DIS3L2: variants seen among roughly 807,000 people sequenced by gnomAD.
DIS3L2 encodes the protein DIS3-like exonuclease 2.
Under a neutral mutation model 97.5 loss-of-function variants are expected in DIS3L2, and 34 were observed. The ratio of observed to expected loss-of-function variants is 0.35; its 90% confidence interval spans 0.27 to 0.46. The LOEUF (loss-of-function observed/expected upper bound fraction) is 0.46, where lower values mean the gene tolerates loss of function less well. Ranked by LOEUF, DIS3L2 falls within the 20% of genes least tolerant of loss-of-function variation. The pLI is 1.00. For missense variants in DIS3L2, 1,038 were observed against 1,146.0 expected (o/e 0.91, Z 1.36); for synonymous variants, 435 against 445.2 (o/e 0.98, Z 0.29).
At chr2:232,076,788 C>G (rs773194690) in intron 5 of DIS3L2, among the ~76,000 whole-genome samples, 4 of 152,048 alleles carry the variant, frequency 2.6e-5, no homozygotes, top group Non-Finnish European at 1.5e-5. Context: ...ATATTTAAAA[C>G]ATATTTCCCA....
rs778172638 is a variant in DIS3L2 at position 232,087,720 on chromosome 2, A to G, written c.600A>G (p.Lys200=). The G allele has an allele frequency of 1.9e-6, 3 of 1,612,368 alleles. No individual in the cohort carries two copies. The highest frequency in any genetic ancestry group is 2.5e-6 in the Non-Finnish European group (3 of 1,178,620). ...VKKLSVCVSE[K]GREDGDAPVT... ...AACTCTCAGTTTGTGTTTCTGAGAA[A>G]GGTGAGTACTAGACTATTGTCTTAC... Residue 200 remains lysine, a splice_region_variant and synonymous_variant, in exon 6 of 21, where the codon AAA becomes AAG. Transcript: ENST00000325385.
At chr2:232,285,180 T>C (rs560747824) in intron 13 of DIS3L2, among the ~76,000 whole-genome samples, 3 of 152,342 alleles carry the variant, frequency 2.0e-5, no homozygotes, top group East Asian at 3.9e-4. Flanking sequence ...TTTTAACCTT[T>C]TACAGACCCT....
In DIS3L2 at chr2:232,335,763, T is replaced by C; in HGVS notation, c.2395-10T>C. The C allele has an allele frequency of 1.3e-6, 2 of 1,550,034 alleles. No homozygotes were observed. The highest frequency in any genetic ancestry group is 1.7e-6 in the Non-Finnish European group (2 of 1,146,734). ...GAGCTGAGGCCTGAGGCTTGGTGTT[T>C]GCACTCCAGGCACTGGCCCTGCGGT... On this transcript the variant is annotated splice_polypyrimidine_tract_variant and intron_variant, in intron 19 of 20. Transcript: ENST00000325385.
chr2:232,324,095 C>G (rs186961975), intron 14 of DIS3L2, among the ~76,000 whole-genome samples: 3 of 152,140 alleles, frequency 2.0e-5, no homozygotes, highest in Non-Finnish European at 2.9e-5. Context: ...GCAGGTTCTA[C>G]GTAAAGGTGG....
intron 10 of DIS3L2, among the ~76,000 whole-genome samples, chr2:232,226,421 C>T (rs1270518919): frequency 2.0e-5 from 3 of 152,178 alleles, no homozygotes; most frequent in Non-Finnish European, 4.4e-5. Context: ...ATGTCTTCAT[C>T]TGTAAAATGT....
intron 13 of DIS3L2, among the ~76,000 whole-genome samples, chr2:232,272,623 G>A (rs1694036604): frequency 6.6e-6 from 1 of 152,186 alleles, no homozygotes; most frequent in Admixed American, 6.5e-5. Flanking sequence ...ATCAGACTGA[G>A]ATTATTCCAT....
intron 14 of DIS3L2, among the ~76,000 whole-genome samples, chr2:232,313,548 G>A (rs1022188590): frequency 2.3e-4 from 35 of 152,118 alleles, no homozygotes; most frequent in African/African-American, 7.7e-4. Flanking sequence ...AATATTGAAC[G>A]TGAACCCACG....
Position 232,336,526 on chromosome 2 carries a change from A to G in DIS3L2, c.2554A>G (p.Lys852Glu), listed in dbSNP as rs1396429810. The G allele has an allele frequency of 6.2e-7, 1 of 1,610,800 alleles. No individual in the cohort carries two copies. The highest frequency in any genetic ancestry group is 2.2e-5 in the East Asian group (1 of 44,862). Residue 852 changes from lysine (K) to glutamate (E), a missense_variant, in exon 21 of 21, where the codon AAG becomes GAG. Transcript: ENST00000325385. The part of the protein sequence containing the change: ...VVLQAESTAL[K>E]YSAILKRPGT... ...CCTGCAGGCAGAGTCCACAGCCCTCAAGTACAGCGCCATCCTGAAGCGGCC... is the reference window on the plus strand; with the variant it reads ...CCTGCAGGCAGAGTCCACAGCCCTCGAGTACAGCGCCATCCTGAAGCGGCC...
chr2:232,276,738 C>T lies in DIS3L2; in HGVS notation c.1659+13298C>T, dbSNP rs1225854286. Among the ~76,000 whole-genome samples the T allele has an allele frequency of 6.6e-6, 1 of 152,240 alleles. No homozygotes were observed. The highest frequency in any genetic ancestry group is 6.5e-5 in the Admixed American group (1 of 15,288). ...CTGCCTGGGTTCTGATCCCGACTCC[C>T]TCACTTAGCTGTGTGACTCTAACTC... On this transcript the variant is annotated intron_variant, in intron 13 of 20. Transcript: ENST00000325385. The surrounding 1 kb of genome is among the most constrained non-coding windows in gnomAD (Gnocchi z 4.4).
chr2:231,966,168 C>T (rs1016462781), intron 1 of DIS3L2, among the ~76,000 whole-genome samples: 46 of 131,166 alleles, frequency 3.5e-4, no homozygotes, highest in African/African-American at 1.7e-3. Context: ...TCTTCTTCTT[C>T]TTCTTTTTTT....
rs1272265395 is a variant in DIS3L2 at position 232,177,250 on chromosome 2, A to C, written c.1124+13618A>C. 3.4e-4 allele frequency among the ~76,000 whole-genome samples: 49 copies of C among 143,700 alleles called. 1 individual carries two copies. Among genetic ancestry groups the C allele is most frequent in the Non-Finnish European group, 5.7e-4 (37 of 65,184 alleles). 94.3% of individuals were successfully genotyped at this position (143,700 alleles called of 152,430 possible). A position where few individuals can be genotyped will look rare whatever the true frequency, so the allele number is the denominator to read the frequency against. ...TTCCAAGTCTTTGCTATTGTGAATA[A>C]TGCCGCAATAAACATACGTGTGCAT... On this transcript the variant is annotated intron_variant, in intron 9 of 20. Coordinates refer to ENST00000325385, the MANE Select transcript of DIS3L2 (RefSeq NM_152383.5).
chr2:232,336,524 T>C lies in DIS3L2; in HGVS notation c.2552T>C (p.Leu851Pro). 1.2e-6 allele frequency: 2 copies of C among 1,610,958 alleles called. No individual in the cohort carries two copies. The highest frequency in any genetic ancestry group is 1.7e-6 in the Non-Finnish European group (2 of 1,179,920). Residue 851 changes from leucine to proline, a missense_variant, in exon 21 of 21, where the codon CTC (leucine) becomes CCC (proline). Around this residue, in one of 3 missense-constraint regions of DIS3L2, gnomAD observed 221 missense variants for 246.9 expected, o/e 0.90. Coordinates refer to ENST00000325385, the MANE Select transcript of DIS3L2 (RefSeq NM_152383.5). The part of the protein sequence containing the change: ...EVVLQAESTA[L>P]KYSAILKRPG... The stretch of plus-strand genomic sequence containing the variant: ...GTCCTGCAGGCAGAGTCCACAGCCC[T>C]CAAGTACAGCGCCATCCTGAAGCGG...
At chr2:232,195,928 A>G (rs1035788015) in intron 9 of DIS3L2, among the ~76,000 whole-genome samples, 1 of 152,180 alleles carries the variant, frequency 6.6e-6, no homozygotes, top group Admixed American at 6.5e-5. Flanking sequence ...TGTTTTGGGG[A>G]GAGGCTTTTA....
In DIS3L2 at chr2:232,271,214, C is replaced by T. The variant is rs572968992; in HGVS notation, c.1659+7774C>T. Among the ~76,000 whole-genome samples the T allele has an allele frequency of 5.9e-5, 9 of 152,290 alleles. No homozygotes were observed. In the East Asian group the frequency reaches 1.2e-3, roughly 20 times the overall value. On this transcript the variant is annotated intron_variant, in intron 13 of 20. Coordinates refer to ENST00000325385, the MANE Select transcript of DIS3L2 (RefSeq NM_152383.5). ...GCCCCAAGTTAAGGTCCTTTCCTCT[C>T]ATTAGAATCCTTAAAGAAACCCATT... is the stretch of plus-strand genomic sequence containing the variant.
At chr2:232,172,342 T>C (rs1288085785) in intron 9 of DIS3L2, among the ~76,000 whole-genome samples, 2 of 152,170 alleles carry the variant, frequency 1.3e-5, no homozygotes, top group Non-Finnish European at 2.9e-5. Flanking sequence ...CAGTTTTCAG[T>C]CTCTGTGGAT....
chr2:231,965,848 C>T (rs759515456), intron 1 of DIS3L2, among the ~76,000 whole-genome samples: 4 of 152,204 alleles, frequency 2.6e-5, no homozygotes, highest in African/African-American at 4.8e-5. Context: ...TCTGATGCCA[C>T]GTCCATGTTG....
chr2:232,103,233 TTTTA>T (rs1365796794), intron 6 of DIS3L2, among the ~76,000 whole-genome samples: 4 of 152,186 alleles, frequency 2.6e-5, no homozygotes, highest in Non-Finnish European at 2.9e-5. Context: ...ATTTTGTACC[TTTTA>T]TTTATTACCT....
chr2:232,125,921 A>G (rs916762779), intron 6 of DIS3L2, among the ~76,000 whole-genome samples: 1 of 152,210 alleles, frequency 6.6e-6, no homozygotes, highest in Non-Finnish European at 1.5e-5. Flanking sequence ...GTTGGTTTTG[A>G]GAGATCCAGA....
intron 13 of DIS3L2, among the ~76,000 whole-genome samples, chr2:232,280,263 A>AAGG (rs1223176400): frequency 1.3e-5 from 2 of 152,204 alleles, no homozygotes; most frequent in Non-Finnish European, 2.9e-5. Flanking sequence ...GCCATCTGAA[A>AAGG]AGGAGGTGTG....
Sources: gnomAD v4.1 joint callset for allele counts (sites outside exome capture counted in the v4.1 genomes callset) on GRCh38, gnomAD v4.1.1 for gene constraint, gnomAD v4.1.1 regional missense constraint, Gnocchi (gnomAD v3.1) non-coding constraint, MANE v1.5 for transcripts, NCBI Gene and HGNC (gene_info 2026-07-23, HGNC 2026-07-21) for gene names.